The following ITGBL1 variants were observed in gnomAD, a reference collection of about 807,000 sequenced individuals.
ITGBL1 encodes the protein integrin beta-like protein 1.
Under a neutral mutation model 68.5 loss-of-function variants are expected in ITGBL1, and 51 were observed. The ratio of observed to expected loss-of-function variants is 0.74; its 90% CI spans 0.59 to 0.94. The LOEUF (loss-of-function observed/expected upper bound fraction) is 0.94. Ranked by LOEUF, ITGBL1 falls within the 40% of genes least tolerant of loss-of-function variation. The pLI is 0.00. For synonymous variants in ITGBL1, 209 were observed against 227.3 expected (o/e 0.92, Z 0.72); for missense variants, 649 against 647.4 (o/e 1.00, Z -0.03).
chr13:101,477,112 A>C (rs1391404970), intron 2 of ITGBL1, among the ~76,000 whole-genome samples: 2 of 152,152 alleles, frequency 1.3e-5, no homozygotes, highest in Admixed American at 6.6e-5. Context: ...AGTATTAAAG[A>C]ATTCAAAAAT....
At chr13:101,682,469 C>A (rs867587312) in intron 7 of ITGBL1, among the ~76,000 whole-genome samples, 2 of 151,940 alleles carry the variant, frequency 1.3e-5, no homozygotes, top group Admixed American at 6.6e-5. Flanking sequence ...AATTTAGTAA[C>A]AAAGATTTCA....
Position 101,575,267 on chromosome 13 carries a change from T to C in ITGBL1, c.464-157T>C, listed in dbSNP as rs2050337882. 2.6e-5 allele frequency among the ~76,000 whole-genome samples: 4 copies of C among 152,134 alleles called. 1 individual carries two copies. Among genetic ancestry groups the C allele is most frequent in the Admixed American group, 2.6e-4 (4 of 15,268 alleles). On this transcript the variant is annotated intron_variant, in intron 3 of 10. Transcript: ENST00000376180. ...ATGCTAAAATAACCTCAAGAAAGAG[T>C]AGCATGTGCTTTACCTCACCATGCC...
chr13:101,538,386 C>G (rs1158968671), intron 2 of ITGBL1, among the ~76,000 whole-genome samples: 1 of 151,948 alleles, frequency 6.6e-6, no homozygotes, highest in East Asian at 1.9e-4. Flanking sequence ...GAAAAGTTTC[C>G]TCTCCCATTT....
chr13:101,657,321 C>T lies in ITGBL1; in HGVS notation c.1016-35264C>T, dbSNP rs1397777318. On this transcript the variant is annotated intron_variant, in intron 7 of 10. Coordinates refer to ENST00000376180, the MANE Select transcript of ITGBL1 (RefSeq NM_004791.3). ...GATTTATTAATATTTTATTCAACCTCATTGTTTTAAGCTTTTCTGAAACAT... is the reference window on the plus strand; with the variant it reads ...GATTTATTAATATTTTATTCAACCTTATTGTTTTAAGCTTTTCTGAAACAT... 2.6e-5 allele frequency among the ~76,000 whole-genome samples: 4 copies of T among 152,152 alleles called. No individual in the cohort carries two copies. The East Asian group carries it at 7.7e-4, about 29-fold the overall frequency.
rs191547258 is a variant in ITGBL1, at chr13:101,640,653, G to A, written c.1015+42354G>A. Among the ~76,000 whole-genome samples, 831 of 152,098 alleles carry A rather than the reference G, an allele frequency of 5.5e-3. 43 individuals are homozygous for A. The highest frequency in any genetic ancestry group is 0.049 in the Admixed American group (754 of 15,254). ...TCAACTTCCATTTTGGATTCAGGGGGTACATGTGCAGGTTTGTTACATGGG... is the reference window on the plus strand; with the variant it reads ...TCAACTTCCATTTTGGATTCAGGGGATACATGTGCAGGTTTGTTACATGGG... On this transcript the variant is annotated intron_variant, in intron 7 of 10. Coordinates refer to ENST00000376180, the MANE Select transcript of ITGBL1 (RefSeq NM_004791.3).
At chr13:101,655,429 T>G (rs1375645395) in intron 7 of ITGBL1, among the ~76,000 whole-genome samples, 3 of 152,120 alleles carry the variant, frequency 2.0e-5, no homozygotes, top group African/African-American at 7.2e-5. Context: ...AAAATGCAAA[T>G]CCCTGTTGTA....
At chr13:101,670,240 C>T (rs1265266545) in intron 7 of ITGBL1, among the ~76,000 whole-genome samples, 1 of 152,174 alleles carries the variant, frequency 6.6e-6, no homozygotes, top group Non-Finnish European at 1.5e-5. Flanking sequence ...ATATGAAGTG[C>T]ACTCATAACC....
intron 8 of ITGBL1, among the ~76,000 whole-genome samples, chr13:101,694,303 C>T (rs962461332): frequency 2.0e-5 from 3 of 152,154 alleles, no homozygotes; most frequent in Admixed American, 6.5e-5. Flanking sequence ...ATTTATTTAT[C>T]ATAGCAATAT....
intron 7 of ITGBL1, among the ~76,000 whole-genome samples, chr13:101,660,532 G>T (rs1252069707): frequency 6.6e-6 from 1 of 152,208 alleles, no homozygotes; most frequent in Non-Finnish European, 1.5e-5. Context: ...GGAATAATGG[G>T]TGTTAATTAT....
chr13:101,453,485 G>A (rs149300681), intron 1 of ITGBL1, among the ~76,000 whole-genome samples: 2 of 152,318 alleles, frequency 1.3e-5, no homozygotes, highest in African/African-American at 2.4e-5. Context: ...ATAGCAGTGG[G>A]ACGTTTTTTA....
intron 2 of ITGBL1, among the ~76,000 whole-genome samples, chr13:101,462,788 G>T (rs952323859): frequency 5.3e-5 from 8 of 152,224 alleles, no homozygotes; most frequent in African/African-American, 1.9e-4. Flanking sequence ...TCACCATGTT[G>T]GCCAGGCTGG....
chr13:101,711,372 C>G (rs1400296523), intron 9 of ITGBL1: 1 of 152,374 alleles, frequency 6.6e-6, no homozygotes, highest in East Asian at 1.9e-4. Flanking sequence ...TACACACACA[C>G]TCACCCACCC....
At chr13:101,519,967 T>A (rs1594861561) in intron 2 of ITGBL1, among the ~76,000 whole-genome samples, 1 of 152,314 alleles carries the variant, frequency 6.6e-6, no homozygotes. Flanking sequence ...AAGCCATGTG[T>A]GTATATAGTG....
chr13:101,687,719 G>A (rs1251791609), intron 7 of ITGBL1, among the ~76,000 whole-genome samples: 1 of 152,062 alleles, frequency 6.6e-6, no homozygotes, highest in Non-Finnish European at 1.5e-5. Flanking sequence ...AACTTAATAA[G>A]AGTAGGCAGA....
At chr13:101,693,867 G>T (rs1168527875) in intron 8 of ITGBL1, among the ~76,000 whole-genome samples, 1 of 152,142 alleles carries the variant, frequency 6.6e-6, no homozygotes, top group Non-Finnish European at 1.5e-5. Flanking sequence ...AGACCTTGGT[G>T]ATGACCTGGA....
chr13:101,649,279 C>T (rs376143199), intron 7 of ITGBL1, among the ~76,000 whole-genome samples: 16 of 152,190 alleles, frequency 1.1e-4, no homozygotes, highest in Admixed American at 3.3e-4. Context: ...TTATTCAAAA[C>T]ACAAGGGATG....
chr13:101,462,338 G>T (rs190310992), intron 2 of ITGBL1, among the ~76,000 whole-genome samples: 96 of 152,256 alleles, frequency 6.3e-4, no homozygotes, highest in African/African-American at 2.0e-3. Context: ...CTTTTGCCAC[G>T]TAAGGTGACA....
chr13:101,579,212 CAA>C, intron 4 of ITGBL1, 73 bp from the exon 5 acceptor site: 1 of 1,522,960 alleles, frequency 6.6e-7, no homozygotes, highest in Non-Finnish European at 9.0e-7. Context: ...AAAATGATCA[CAA>C]AGAGATAGAA....
At chr13:101,555,937 T>G (rs2049997920) in intron 2 of ITGBL1, among the ~76,000 whole-genome samples, 1 of 152,214 alleles carries the variant, frequency 6.6e-6, no homozygotes. Context: ...TTTATTTCAT[T>G]CTGCAAAAGT....
Sources: gnomAD v4.1 joint callset for allele counts (sites outside exome capture counted in the v4.1 genomes callset) on GRCh38, gnomAD v4.1.1 for gene constraint, MANE v1.5 for transcripts, NCBI Gene and HGNC (gene_info 2026-07-23, HGNC 2026-07-21) for gene names.